Variants in APOB observed in about 807,000 individuals in gnomAD.
APOB encodes the protein apolipoprotein B.
Under a neutral mutation model 314.1 loss-of-function variants are expected in APOB, and 153 were observed. The observed-to-expected ratio is 0.49, with a 90% confidence interval of 0.43 to 0.56. APOB has a LOEUF of 0.56. APOB is among the 20% of genes least tolerant of loss of function. The pLI is 0.00. For missense variants in APOB, 5,430 were observed against 5,350.7 expected (o/e 1.01, Z -0.46); for synonymous variants, 2,087 against 2,036.4 (o/e 1.02, Z -0.67).
At chr2:21,017,742 G>A (rs374577217) in intron 20 of APOB, among the ~76,000 whole-genome samples, 29 of 152,212 alleles carry the variant, frequency 1.9e-4, no homozygotes, top group Admixed American at 9.8e-4. Context: ...ATTCCCGGGC[G>A]TCCTTCAATC....
Position 21,010,899 on chromosome 2 carries a change from T to C in APOB, c.5969A>G (p.Asn1990Ser). 2 of 1,614,086 alleles carry C rather than the reference T, an allele frequency of 1.2e-6. No individual in the cohort carries two copies. Among genetic ancestry groups the C allele is most frequent in the South Asian group, 1.1e-5 (1 of 91,080 alleles). ...TWKLKTQFNN[N>S]EYSQDLDAYN... ...AGCATCCAAGTCCTGGCTGTATTCA[T>C]TGTTGTTAAATTGGGTCTTGAGTTT... The change falls in exon 26 of 29, where the codon AAT (asparagine) becomes AGT (serine). Residue 1990 changes from asparagine (N) to serine (S), a missense_variant. By Grantham distance (46) the Asn-to-Ser change is conservative (BLOSUM62 1). This residue lies in a region of APOB where 3,281 missense variants were observed against 3,171.0 expected (regional missense o/e 1.03). Coordinates refer to ENST00000233242, the MANE Select transcript of APOB (RefSeq NM_000384.3).
Position 21,003,140 on chromosome 2 carries a change from C to T in APOB, c.12282G>A (p.Gly4094=). The change falls in exon 29 of 29, where the codon GGG becomes GGA. Residue 4094 remains glycine, a synonymous_variant. Transcript: ENST00000233242. ...TTGAAGACACTTCTCTCAGGGTGAG[C>T]CCTGTGTGTTCCCAGTGGTACTTGT... is the stretch of plus-strand genomic sequence containing the variant. The part of the protein sequence containing the change: ...YVNKYHWEHT[G]LTLREVSSKL... 1 of 1,612,964 alleles carries T rather than the reference C, an allele frequency of 6.2e-7. No individual in the cohort carries two copies. Among genetic ancestry groups the T allele is most frequent in the Non-Finnish European group, 8.5e-7 (1 of 1,179,210 alleles).
At chr2:21,041,835 T>C (rs1664139476) in intron 3 of APOB, among the ~76,000 whole-genome samples, 1 of 152,178 alleles carries the variant, frequency 6.6e-6, no homozygotes, top group Non-Finnish European at 1.5e-5. Flanking sequence ...CAAACCCCAA[T>C]AGCAGCCTGT....
chr2:21,037,923 C>T, intron 5 of APOB, 35 bp downstream of exon 5: 2 of 1,613,748 alleles, frequency 1.2e-6, no homozygotes, highest in Non-Finnish European at 1.7e-6. Flanking sequence ...AGATGAGTTT[C>T]AAGGGCCACT....
At chr2:21,004,122 G>C in intron 28 of APOB, 147 bp downstream of exon 28, 2 of 777,580 alleles carry the variant, frequency 2.6e-6, no homozygotes, top group Non-Finnish European at 4.3e-6. Flanking sequence ...ATACTTTCTA[G>C]AGAATATTTC....
chr2:21,033,253 A>G (rs1663922911), intron 9 of APOB, 46 bp downstream of exon 9: 2 of 1,494,300 alleles, frequency 1.3e-6, no homozygotes, highest in Non-Finnish European at 9.3e-7. Flanking sequence ...AAGTTCAGTC[A>G]GTTACCATCA....
At chr2:21,030,045 T>G in intron 10 of APOB, 30 bp from the exon 11 acceptor site, 1 of 1,412,594 alleles carries the variant, frequency 7.1e-7, no homozygotes, top group Non-Finnish European at 1.0e-6. Context: ...AGTCAGGACT[T>G]GGTAACCCCA....
At chr2:21,023,420 C>G in intron 17 of APOB, 105 bp downstream of exon 17, 2 of 1,328,894 alleles carry the variant, frequency 1.5e-6, no homozygotes, top group Non-Finnish European at 2.2e-6. Flanking sequence ...AATGATGAAG[C>G]ATTTTGTCTT....
Position 21,002,431 on chromosome 2 carries a change from C to T in APOB, c.12991G>A (p.Asp4331Asn), listed in dbSNP as rs1663009379. Residue 4331 changes from aspartate to asparagine, a missense_variant, in exon 29 of 29, where the codon GAT becomes AAT. Asp to Asn is a conservative substitution (Grantham distance 23). Around this residue, in one of 3 missense-constraint regions of APOB, gnomAD observed 3,281 missense variants for 3,171.0 expected, o/e 1.03. Coordinates refer to ENST00000233242, the MANE Select transcript of APOB (RefSeq NM_000384.3). ...TCACTGAAGATTGTGTTGATCTCAT[C>T]TTGGATATAATTAATAAGATAAGTA... ...KFTYLINYIQ[D>N]EINTIFSDYI... 4 of 1,600,082 alleles carry T rather than the reference C, an allele frequency of 2.5e-6. No homozygotes were observed. The highest frequency in any genetic ancestry group is 1.4e-5 in the African/African-American group (1 of 73,994).
chr2:21,025,524 A>ACT (rs1663707733), intron 15 of APOB, among the ~76,000 whole-genome samples: 1 of 152,180 alleles, frequency 6.6e-6, no homozygotes, highest in Non-Finnish European at 1.5e-5. Flanking sequence ...TGTTATATAA[A>ACT]TTCACCAGAA....
chr2:21,012,613 T>C lies in APOB; in HGVS notation c.4255A>G (p.Thr1419Ala). 6.2e-7 allele frequency: 1 copy of C among 1,613,268 alleles called. No individual in the cohort carries two copies. Among genetic ancestry groups the C allele is most frequent in the East Asian group, 2.2e-5 (1 of 44,886 alleles). Residue 1419 changes from threonine (T) to alanine (A), a missense_variant, in exon 26 of 29, where the codon ACA becomes GCA. Around this residue, in one of 3 missense-constraint regions of APOB, gnomAD observed 2,085 missense variants for 2,079.7 expected, o/e 1.00. Transcript: ENST00000233242. ...ETTYDHKNTFTLSCDGSLRHK... is the reference protein window; with the variant it reads ...ETTYDHKNTFALSCDGSLRHK... ...CGTAGAGACCCATCACATGATAGTGTGAACGTATTCTTGTGGTCATATGTT... is the reference window on the plus strand; with the variant it reads ...CGTAGAGACCCATCACATGATAGTGCGAACGTATTCTTGTGGTCATATGTT...
rs1663771212 is a variant in APOB at position 21,027,823 on chromosome 2, C to G, written c.2067+5G>C. 6.2e-7 allele frequency: 1 copy of G among 1,607,388 alleles called. No homozygotes were observed. The highest frequency in any genetic ancestry group is 8.5e-7 in the Non-Finnish European group (1 of 1,173,954). The stretch of plus-strand genomic sequence containing the variant: ...GCTAGAGAACCTCAAACTCTTCACA[C>G]TTACCTCGATGAGGTCAGCTGAAGC... On this transcript the variant is annotated splice_donor_5th_base_variant and intron_variant, in intron 14 of 28. Transcript: ENST00000233242.
rs752929073 is a variant in APOB at position 21,003,060 on chromosome 2, C to T, written c.12362G>A (p.Arg4121Lys). ...NAEWVYQGAI[R>K]QIDDIDVRFQ... ...CCTCACGTCGATATCATCAATTTGC[C>T]TAATGGCCCCTTGATAAACCCACTC... Residue 4121 changes from arginine to lysine, a missense_variant, in exon 29 of 29, where the codon AGG becomes AAG. Around this residue, in one of 3 missense-constraint regions of APOB, gnomAD observed 3,281 missense variants for 3,171.0 expected, o/e 1.03. Transcript: ENST00000233242. 1.3e-6 allele frequency: 2 copies of T among 1,571,910 alleles called. No homozygotes were observed. Among genetic ancestry groups the T allele is most frequent in the East Asian group, 2.3e-5 (1 of 44,406 alleles).
chr2:21,032,048 A>T (rs542357472), intron 10 of APOB, among the ~76,000 whole-genome samples: 1 of 152,222 alleles, frequency 6.6e-6, no homozygotes, highest in Non-Finnish European at 1.5e-5. Flanking sequence ...TGATAAAGCA[A>T]ATATAATAAC....
In APOB at chr2:21,011,931, C is replaced by T. The variant is rs1048145717; in HGVS notation, c.4937G>A (p.Arg1646Lys). ...INSGAHKATL[R>K]IGQDGISTSA... ...GGTAGATATTCCATCTTGGCCAATCCTTAGTGTCGCCTTGTGAGCACCACT... is the reference window on the plus strand; with the variant it reads ...GGTAGATATTCCATCTTGGCCAATCTTTAGTGTCGCCTTGTGAGCACCACT... Residue 1646 changes from arginine (R) to lysine (K), a missense_variant, in exon 26 of 29, where the codon AGG (arginine) becomes AAG (lysine). Arg to Lys is a conservative substitution (Grantham distance 26). Coordinates refer to ENST00000233242, the MANE Select transcript of APOB (RefSeq NM_000384.3). The T allele has an allele frequency of 3.7e-6, 6 of 1,613,928 alleles. No homozygotes were observed. In the African/African-American group the frequency reaches 5.3e-5, roughly 14 times the overall value.
At chr2:21,018,370 C>T (rs1262983149) in intron 20 of APOB, among the ~76,000 whole-genome samples, 1 of 152,212 alleles carries the variant, frequency 6.6e-6, no homozygotes, top group Non-Finnish European at 1.5e-5. Flanking sequence ...AAAGTTCTTA[C>T]CATGGCCTAT....
rs762560989 is a variant in APOB at position 21,005,333 on chromosome 2, G to T, written c.11535C>A (p.Asn3845Lys). 4 of 1,613,976 alleles carry T rather than the reference G, an allele frequency of 2.5e-6. No individual in the cohort carries two copies. The African/African-American group carries it at 4.0e-5, about 16-fold the overall frequency. The stretch of plus-strand genomic sequence containing the variant: ...TGGGCAACTCAAAGTCTGCGATCTT[G>T]TTGGCTACTGCATTTAGATCCAAAG... ...IAALDLNAVA[N>K]KIADFELPTI... Residue 3845 changes from asparagine to lysine, a missense_variant, in exon 26 of 29, where the codon AAC becomes AAA. By Grantham distance (94) the Asn-to-Lys change is moderately conservative. Coordinates refer to ENST00000233242, the MANE Select transcript of APOB (RefSeq NM_000384.3).
rs1293066823 is a variant in APOB at position 21,022,791 on chromosome 2, T to TC, written c.2816+39dup. ...TTCTGCAGGTACATTCTCTGTTCTC[T>TC]CTTTCAAACTGGCTAGGCAGACTTG... On this transcript the variant is annotated intron_variant, in intron 18 of 28. Transcript: ENST00000233242. The TC allele has an allele frequency of 3.1e-6, 5 of 1,599,754 alleles. No homozygotes were observed. The Admixed American group carries it at 8.3e-5, about 27-fold the overall frequency.
Position 21,007,377 on chromosome 2 carries a change from G to T in APOB, c.9491C>A (p.Thr3164Lys). 3 of 1,613,904 alleles carry T rather than the reference G, an allele frequency of 1.9e-6. No individual in the cohort carries two copies. Among genetic ancestry groups the T allele is most frequent in the Non-Finnish European group, 2.5e-6 (3 of 1,179,934 alleles). Residue 3164 changes from threonine to lysine, a missense_variant, in exon 26 of 29, where the codon ACG (threonine) becomes AAG (lysine). Physicochemically the swap from Thr to Lys is moderately conservative, Grantham distance 78. This residue lies in a region of APOB where 3,281 missense variants were observed against 3,171.0 expected (regional missense o/e 1.03). Transcript: ENST00000233242. ...EKTGLKEFLK[T>K]TKQSFDLSVK... Reference sequence around the variant, plus strand: ...ACTTAAATCAAATGATTGCTTTGTCGTTTTCAAGAATTCCTTCAAGCCTGT... The same window carrying T: ...ACTTAAATCAAATGATTGCTTTGTCTTTTTCAAGAATTCCTTCAAGCCTGT...
Sources: allele counts gnomAD v4.1 joint callset (sites outside exome capture counted in the v4.1 genomes callset), GRCh38; gene constraint gnomAD v4.1.1; regional missense constraint gnomAD v4.1.1; transcripts MANE v1.5; gene names NCBI Gene and HGNC (gene_info 2026-07-23, HGNC 2026-07-21).